The following MCTP2 variants were observed in gnomAD, a reference collection of about 807,000 sequenced individuals.
MCTP2 encodes multiple C2 and transmembrane domain containing 2.
MCTP2 carries 132 observed loss-of-function variants against 111.6 expected under a neutral mutation model. The observed-to-expected ratio is 1.18, with a 90% CI of 1.03 to 1.37. The LOEUF (loss-of-function observed/expected upper bound fraction) is 1.37. Ranked by LOEUF, MCTP2 falls within the 40% of genes most tolerant of loss-of-function variation. The pLI, the probability that MCTP2 is intolerant of heterozygous loss-of-function variation, is 0.00. For missense variants in MCTP2, 1,183 were observed against 1,067.9 expected, an observed-to-expected ratio of 1.11 and a Z score of -1.50; for synonymous variants, 395 against 387.7, an observed-to-expected ratio of 1.02 and a Z score of -0.22.
chr15:94,280,416 T>A (rs900154589), intron 1 of MCTP2, among the ~76,000 whole-genome samples: 2 of 17,154 alleles, frequency 1.2e-4, no homozygotes, highest in Non-Finnish European at 2.1e-4. Flanking sequence ...GTCTCGAGGG[T>A]TTTTTTTTTT....
chr15:94,473,074 GA>G (rs149364173), intron 21 of MCTP2, among the ~76,000 whole-genome samples: 111 of 151,568 alleles, frequency 7.3e-4, no homozygotes, highest in Non-Finnish European at 1.4e-3. Flanking sequence ...TTAATTTTTT[GA>G]AAAAAATGTA....
At chr15:94,477,113 C>T (rs2074430203) in intron 22 of MCTP2, among the ~76,000 whole-genome samples, 1 of 152,186 alleles carries the variant, frequency 6.6e-6, no homozygotes, top group South Asian at 2.1e-4. Context: ...AGTAGAATTG[C>T]ATGAGATCCA....
At chr15:94,446,336 C>G (rs928933638) in intron 19 of MCTP2, among the ~76,000 whole-genome samples, 2 of 152,166 alleles carry the variant, frequency 1.3e-5, no homozygotes, top group African/African-American at 4.8e-5. Flanking sequence ...GACTCCAGAA[C>G]AAACAGATAA....
intron 4 of MCTP2, among the ~76,000 whole-genome samples, chr15:94,319,803 G>T (rs1420779679): frequency 6.6e-6 from 1 of 152,124 alleles, no homozygotes; most frequent in Non-Finnish European, 1.5e-5. Context: ...ATTAAAACAG[G>T]TTTAAGAAAC....
intron 2 of MCTP2, among the ~76,000 whole-genome samples, chr15:94,313,492 G>A (rs1027305032): frequency 1.3e-5 from 2 of 152,102 alleles, no homozygotes; most frequent in Non-Finnish European, 2.9e-5. Context: ...CACGAGGTCA[G>A]GAGTCCGAGA....
rs1225497917 is a variant in MCTP2 at position 94,479,224 on chromosome 15, C to T, written c.*190C>T. 5 of 615,708 alleles carry T rather than the reference C, an allele frequency of 8.1e-6. No homozygotes were observed. The highest frequency in any genetic ancestry group is 1.5e-5 in the Non-Finnish European group (5 of 339,838). The allele number at this position is 615,708 out of a possible 1,614,324, so 38.1% of individuals were successfully genotyped here. ...GCACACACCCTCATGCATGGGTGTC[C>T]TAGTTGCGTAGAGGGTCAGCCCAGC... On this transcript the variant is annotated 3_prime_UTR_variant, in exon 23 of 23. Transcript: ENST00000357742.
In MCTP2 at chr15:94,331,041, A is replaced by G. The variant is rs573598558; in HGVS notation, c.638-8249A>G. On this transcript the variant is annotated intron_variant, in intron 4 of 22. Transcript: ENST00000357742. ...GAGTCACCATGCCCAGCCCAGGCAT[A>G]TGTTTTTAATGACCACTTTGCCAAA... Among the ~76,000 whole-genome samples the G allele has an allele frequency of 8.5e-5, 13 of 152,300 alleles. No homozygotes were observed. The East Asian group carries it at 2.5e-3, about 29-fold the overall frequency.
intron 17 of MCTP2, among the ~76,000 whole-genome samples, chr15:94,404,091 G>C (rs571650398): frequency 6.6e-6 from 1 of 152,240 alleles, no homozygotes; most frequent in African/African-American, 2.4e-5. Context: ...ATGTTGACTG[G>C]CCTTGGTGAT....
At chr15:94,418,551 A>G (rs113613683) in intron 17 of MCTP2, among the ~76,000 whole-genome samples, 2 of 152,060 alleles carry the variant, frequency 1.3e-5, no homozygotes, top group African/African-American at 4.8e-5. Context: ...TTCTAGGGGG[A>G]AAAAGCCAAT....
At chr15:94,280,396 G>A (rs530336261) in intron 1 of MCTP2, among the ~76,000 whole-genome samples, 1 of 146,946 alleles carries the variant, frequency 6.8e-6, no homozygotes, top group South Asian at 2.2e-4. Flanking sequence ...GTGCATAAAG[G>A]CATCCATTAG....
At chr15:94,327,332 C>A (rs62016096) in intron 4 of MCTP2, among the ~76,000 whole-genome samples, 13,967 of 152,176 alleles carry the variant, frequency 0.092, 713 homozygotes, top group East Asian at 0.19. Flanking sequence ...CTAAATATTT[C>A]TTTTCGTAAT....
At chr15:94,380,313 C>T (rs1188940514) in intron 12 of MCTP2, among the ~76,000 whole-genome samples, 1 of 152,060 alleles carries the variant, frequency 6.6e-6, no homozygotes, top group Non-Finnish European at 1.5e-5. Flanking sequence ...ACTCAGTTTG[C>T]TGTGGGATGA....
At chr15:94,257,566 GTTGTTTTTT>G (rs2072871473) in intron 1 of MCTP2, among the ~76,000 whole-genome samples, 1 of 73,004 alleles carries the variant, frequency 1.4e-5, no homozygotes, top group Non-Finnish European at 2.7e-5. Context: ...CATTTTCTTT[GTTGTTTTTT>G]TTTTTTTTTT....
rs559613233 is a variant in MCTP2, at chr15:94,425,072, C to A, written c.2086-15104C>A. ...GCATTTTGTGACATGTTTGAAAAAT[C>A]CTTTCTTAAGCCCAAAGTCATAAAA... On this transcript the variant is annotated intron_variant, in intron 17 of 22. Coordinates refer to ENST00000357742, the MANE Select transcript of MCTP2 (RefSeq NM_001385001.1). Among the ~76,000 whole-genome samples, 6 of 152,112 alleles carry A rather than the reference C, an allele frequency of 3.9e-5. No individual in the cohort carries two copies. The South Asian group carries it at 1.2e-3, about 32-fold the overall frequency.
At position 94,265,047 on chromosome 15, in the gene MCTP2, C is replaced by T. The variant is rs1259301095; in HGVS notation, c.-65-33154C>T. On this transcript the variant is annotated intron_variant, in intron 1 of 22. Coordinates refer to ENST00000357742, the MANE Select transcript of MCTP2 (RefSeq NM_001385001.1). The stretch of plus-strand genomic sequence containing the variant: ...ATAGGGCACTTTGATGTGCGTATGC[C>T]TGTTGTGCTGATTTGTGATATGTTT... Among the ~76,000 whole-genome samples the T allele has an allele frequency of 3.9e-5, 6 of 152,016 alleles. No homozygotes were observed. In the East Asian group the frequency reaches 1.2e-3, roughly 29 times the overall value.
intron 1 of MCTP2, among the ~76,000 whole-genome samples, chr15:94,276,497 A>C (rs1053747493): frequency 3.9e-5 from 6 of 152,024 alleles, no homozygotes; most frequent in African/African-American, 1.5e-4. Flanking sequence ...CCACTCTTAC[A>C]CTAAGTCTTT....
chr15:94,443,041 T>C, intron 19 of MCTP2, 81 bp downstream of exon 19: 4 of 945,626 alleles, frequency 4.2e-6, no homozygotes, highest in Middle Eastern at 2.2e-4. Context: ...TGAGTCTCTC[T>C]CCTCTCTTTT....
intron 2 of MCTP2, among the ~76,000 whole-genome samples, chr15:94,302,857 A>C (rs1180557853): frequency 6.6e-6 from 1 of 152,038 alleles, no homozygotes; most frequent in Non-Finnish European, 1.5e-5. Context: ...CTACTGATAG[A>C]CATAACGAGA....
intron 12 of MCTP2, among the ~76,000 whole-genome samples, chr15:94,379,864 G>A (rs1319647316): frequency 2.1e-5 from 3 of 140,774 alleles, no homozygotes; most frequent in African/African-American, 7.8e-5. Context: ...TATAATATAT[G>A]ACATATAATC....
Sources: allele counts gnomAD v4.1 joint callset (sites outside exome capture counted in the v4.1 genomes callset), GRCh38; gene constraint gnomAD v4.1.1; transcripts MANE v1.5; gene names NCBI Gene and HGNC (gene_info 2026-07-23, HGNC 2026-07-21).